Variants in SH3D19 observed in about 807,000 individuals in gnomAD.
SH3D19 encodes the protein SH3 domain containing 19, also known as SH3 domain-containing protein 19.
SH3D19 carries 58 observed loss-of-function variants against 112.1 expected under a neutral mutation model. The ratio of observed to expected loss-of-function variants is 0.52; its 90% CI spans 0.42 to 0.64. The LOEUF is 0.64. Among genes scored for constraint, SH3D19 ranks in the 30% least tolerant of loss-of-function variants. SH3D19 has a pLI of 0.00. For synonymous variants in SH3D19, 391 were observed against 448.5 expected, an observed-to-expected ratio of 0.87 and a Z score of 1.62; for missense variants, 1,090 against 1,263.4, an observed-to-expected ratio of 0.86 and a Z score of 2.08.
At chr4:151,280,707 C>G (rs1774133893) in intron 1 of SH3D19, among the ~76,000 whole-genome samples, 1 of 152,016 alleles carries the variant, frequency 6.6e-6, no homozygotes, top group Non-Finnish European at 1.5e-5. Context: ...AGAAGGATCA[C>G]TTGAGCCTAG....
intron 17 of SH3D19, among the ~76,000 whole-genome samples, chr4:151,129,301 A>G (rs1482380587): frequency 6.6e-6 from 1 of 152,220 alleles, no homozygotes; most frequent in Non-Finnish European, 1.5e-5. Context: ...CTCTGTGAAG[A>G]GGCAGCTCTG....
chr4:151,309,809 T>C (rs928957252), intron 1 of SH3D19, among the ~76,000 whole-genome samples: 1 of 148,564 alleles, frequency 6.7e-6, no homozygotes, highest in East Asian at 2.1e-4. Context: ...GGGCAACACA[T>C]TGAGACCCAG....
chr4:151,270,900 C>A (rs938751143), intron 1 of SH3D19, among the ~76,000 whole-genome samples: 2 of 152,096 alleles, frequency 1.3e-5, no homozygotes, highest in African/African-American at 4.8e-5. Context: ...AAGCCAAGGC[C>A]TGATATACAC....
intron 3 of SH3D19, among the ~76,000 whole-genome samples, chr4:151,181,983 G>A (rs1057163235): frequency 5.3e-5 from 8 of 151,694 alleles, no homozygotes; most frequent in Non-Finnish European, 7.4e-5. Context: ...CCCGCTTGTA[G>A]GGTTTTTTTT....
intron 16 of SH3D19, 106 bp from the exon 17 acceptor site, chr4:151,132,489 G>A: frequency 1.1e-6 from 1 of 909,282 alleles, no homozygotes; most frequent in Middle Eastern, 2.1e-4. Context: ...TGAAGACTCT[G>A]GGATTCCACT....
intron 1 of SH3D19, among the ~76,000 whole-genome samples, chr4:151,283,533 T>C (rs1048224786): frequency 5.5e-5 from 8 of 145,060 alleles, no homozygotes. Context: ...TTTTTTTAAA[T>C]TAGAGACAGA....
chr4:151,130,649 G>T (rs772266715), intron 17 of SH3D19, among the ~76,000 whole-genome samples: 1 of 152,038 alleles, frequency 6.6e-6, no homozygotes, highest in Non-Finnish European at 1.5e-5. Context: ...AACGTATAAA[G>T]AAATGGAGAA....
chr4:151,169,572 G>GT (rs1169482546), intron 7 of SH3D19, among the ~76,000 whole-genome samples: 1 of 152,152 alleles, frequency 6.6e-6, no homozygotes, highest in Non-Finnish European at 1.5e-5. Flanking sequence ...CTCTAGCAAC[G>GT]TAAGTTCACT....
chr4:151,162,266 T>G (rs185317410), intron 8 of SH3D19, among the ~76,000 whole-genome samples: 1 of 152,062 alleles, frequency 6.6e-6, no homozygotes, highest in Non-Finnish European at 1.5e-5. Flanking sequence ...TCTGTTCCTG[T>G]GTTAGCATGC....
chr4:151,137,079 C>T (rs1013802249), intron 14 of SH3D19, among the ~76,000 whole-genome samples: 1 of 152,066 alleles, frequency 6.6e-6, no homozygotes, highest in Admixed American at 6.5e-5. Context: ...TGATTTTATC[C>T]CCATGTTTCA....
At chr4:151,152,511 TC>T in intron 9 of SH3D19, among the ~76,000 whole-genome samples, 1 of 145,870 alleles carries the variant, frequency 6.9e-6, no homozygotes, top group African/African-American at 2.7e-5. Context: ...CTATTCTCTC[TC>T]TCTCTTTTTT....
intron 2 of SH3D19, among the ~76,000 whole-genome samples, chr4:151,189,153 G>A (rs180740906): frequency 2.3e-3 from 343 of 151,960 alleles, no homozygotes; most frequent in Admixed American, 4.4e-3. Flanking sequence ...TCGCTCTGTC[G>A]CCCAGGGTGG....
chr4:151,223,892 G>A (rs113144923), intron 2 of SH3D19, among the ~76,000 whole-genome samples: 2,047 of 152,202 alleles, frequency 0.013, 20 homozygotes, highest in Non-Finnish European at 0.021. Context: ...GAATATCTGG[G>A]GTTGGGCATG....
chr4:151,214,418 G>GGCTGA (rs1180196182), intron 2 of SH3D19, among the ~76,000 whole-genome samples: 14 of 18,584 alleles, frequency 7.5e-4, no homozygotes, highest in East Asian at 4.1e-3. Context: ...CCGGGCAGAG[G>GGCTGA]CGCCCCTCAC....
At chr4:151,314,791 T>C (rs1278502379) in intron 1 of SH3D19, among the ~76,000 whole-genome samples, 3 of 152,152 alleles carry the variant, frequency 2.0e-5, no homozygotes, top group Non-Finnish European at 4.4e-5. Context: ...GGCCATCTAT[T>C]TTTCTGCTCC....
Position 151,121,031 on chromosome 4 carries a change from T to C in SH3D19, c.*1060A>G, listed in dbSNP as rs1747910737. On this transcript the variant is annotated 3_prime_UTR_variant, in exon 20 of 20. Transcript: ENST00000604030. The stretch of plus-strand genomic sequence containing the variant: ...AGTGGTTTTTCATTCACTCTAATAA[T>C]TGTGCAGGGATAAGCTAGAGAAAAA... 6.6e-6 allele frequency: 1 copy of C among 152,662 alleles called. No individual in the cohort carries two copies. Among genetic ancestry groups the C allele is most frequent in the Non-Finnish European group, 1.5e-5 (1 of 68,036 alleles). 9.5% of individuals were successfully genotyped at this position (152,662 alleles called of 1,614,324 possible).
At chr4:151,214,201 A>G (rs1462737707) in intron 2 of SH3D19, among the ~76,000 whole-genome samples, 1 of 152,048 alleles carries the variant, frequency 6.6e-6, no homozygotes, top group African/African-American at 2.4e-5. Flanking sequence ...TCACAGATCA[A>G]CAGGATCCCA....
chr4:151,325,099 T>G (rs973785654), intron 1 of SH3D19, 142 bp downstream of exon 1: 1 of 403,922 alleles, frequency 2.5e-6, no homozygotes. Flanking sequence ...AATGCCACCC[T>G]CCCCGAGTCT....
chr4:151,257,590 A>C (rs1409666384), intron 1 of SH3D19, among the ~76,000 whole-genome samples: 3 of 151,780 alleles, frequency 2.0e-5, no homozygotes, highest in Non-Finnish European at 2.9e-5. Context: ...TTATGTTATT[A>C]ATCATCATCA....
Sources: gnomAD v4.1 joint callset for allele counts (sites outside exome capture counted in the v4.1 genomes callset) on GRCh38, gnomAD v4.1.1 for gene constraint, MANE v1.5 for transcripts, NCBI Gene and HGNC (gene_info 2026-07-23, HGNC 2026-07-21) for gene names.